CLXN: variants seen among roughly 807,000 people sequenced by gnomAD.
CLXN encodes calaxin.
At chr8:48,733,185 G>A in the CLXN span, among the ~76,000 whole-genome samples, 1 of 152,166 alleles carries the variant, frequency 6.6e-6, no homozygotes, top group East Asian at 1.9e-4. Context: ...AAGCCTGCAT[G>A]AAGAATGATG....
At chr8:48,735,060 G>A in the CLXN span, 1 of 1,613,390 alleles carries the variant, frequency 6.2e-7, no homozygotes, top group Non-Finnish European at 8.5e-7. Flanking sequence ...CGGTCCAGGA[G>A]CCTCGGCCTG....
At chr8:48,715,442 T>C in the CLXN span, 1 of 152,110 alleles carries the variant, frequency 6.6e-6, no homozygotes, top group African/African-American at 2.4e-5. Flanking sequence ...TATATAAAAG[T>C]GTTGGAAGCG....
chr8:48,728,834 C>T, the CLXN span, among the ~76,000 whole-genome samples: 3 of 152,148 alleles, frequency 2.0e-5, no homozygotes, highest in Non-Finnish European at 2.9e-5. Context: ...TTGTTTCTGA[C>T]ATGAATGAGT....
the CLXN span, among the ~76,000 whole-genome samples, chr8:48,726,335 TCCATCCAC>T: frequency 1.4e-5 from 2 of 139,868 alleles, no homozygotes; most frequent in African/African-American, 5.4e-5. Flanking sequence ...ATTCACCTCA[TCCATCCAC>T]CCATCCACCC....
the CLXN span, among the ~76,000 whole-genome samples, chr8:48,727,466 G>C: frequency 6.6e-6 from 1 of 152,180 alleles, no homozygotes; most frequent in Non-Finnish European, 1.5e-5. Context: ...ACAGGGCTCT[G>C]TGAGGAAGTG....
At chr8:48,713,360 A>C in the CLXN span, among the ~76,000 whole-genome samples, 3 of 152,114 alleles carry the variant, frequency 2.0e-5, no homozygotes, top group African/African-American at 7.2e-5. Flanking sequence ...ACTTGATGAG[A>C]ACTAAACACT....
chr8:48,735,091 T>G, the CLXN span: 1 of 1,614,160 alleles, frequency 6.2e-7, no homozygotes, highest in Non-Finnish European at 8.5e-7. Flanking sequence ...CATTCTTACT[T>G]ACAATGCTTG....
the CLXN span, among the ~76,000 whole-genome samples, chr8:48,718,102 T>A: frequency 6.6e-6 from 1 of 152,094 alleles, no homozygotes; most frequent in African/African-American, 2.4e-5. Flanking sequence ...TGCTTTAAAT[T>A]TAAAGGCACA....
chr8:48,732,247 T>C, the CLXN span, among the ~76,000 whole-genome samples: 1 of 152,182 alleles, frequency 6.6e-6, no homozygotes, highest in Admixed American at 6.5e-5. Context: ...CTGGTCTTGA[T>C]AATATAAAAG....
the CLXN span, chr8:48,713,953 C>T: frequency 2.0e-5 from 3 of 152,186 alleles, no homozygotes; most frequent in African/African-American, 4.8e-5. Context: ...CTAAACAGGC[C>T]TAGCCTGGCT....
the CLXN span, chr8:48,711,328 T>C: frequency 6.6e-6 from 1 of 152,144 alleles, no homozygotes; most frequent in Admixed American, 6.5e-5. Flanking sequence ...TCCACCATTC[T>C]CCTCACAAGC....
the CLXN span, among the ~76,000 whole-genome samples, chr8:48,722,737 G>A: frequency 4.8e-4 from 70 of 145,744 alleles, no homozygotes; most frequent in Non-Finnish European, 9.3e-4. Context: ...CACTGCCTAA[G>A]TGCATCATAG....
chr8:48,729,718 A>G, the CLXN span: 3 of 1,600,910 alleles, frequency 1.9e-6, no homozygotes, highest in South Asian at 3.4e-5. Context: ...ACCCATATTT[A>G]CCATTTTCTT....
the CLXN span, among the ~76,000 whole-genome samples, chr8:48,727,278 C>T: frequency 6.6e-6 from 1 of 151,392 alleles, no homozygotes; most frequent in African/African-American, 2.4e-5. Context: ...TAGACACACA[C>T]CATGTGCTAC....
chr8:48,731,197 C>G, the CLXN span: 2 of 754,164 alleles, frequency 2.7e-6, no homozygotes, highest in Non-Finnish European at 3.8e-6. Flanking sequence ...ACCTCCTTTT[C>G]TATGATCTTC....
the CLXN span, chr8:48,730,691 CT>C: frequency 9.1e-7 from 1 of 1,099,786 alleles, no homozygotes; most frequent in Non-Finnish European, 1.3e-6. Flanking sequence ...CATAATAACT[CT>C]CAGTAAAGTA....
At chr8:48,724,810 A>C in the CLXN span, 3 of 1,609,546 alleles carry the variant, frequency 1.9e-6, no homozygotes, top group Non-Finnish European at 8.5e-7. Flanking sequence ...CTCTGTAAAA[A>C]AAGGTACTCA....
At chr8:48,728,983 A>G in the CLXN span, 1 of 1,228,132 alleles carries the variant, frequency 8.1e-7, no homozygotes, top group Non-Finnish European at 1.1e-6. Flanking sequence ...TAAATCAAGA[A>G]GTCCTGGGTT....
chr8:48,719,320 A>C, the CLXN span, among the ~76,000 whole-genome samples: 1 of 152,120 alleles, frequency 6.6e-6, no homozygotes, highest in East Asian at 1.9e-4. Context: ...GTGGCTTTCT[A>C]GGTGAATTCT....
Sources: allele counts gnomAD v4.1 joint callset (sites outside exome capture counted in the v4.1 genomes callset), GRCh38; gene constraint gnomAD v4.1.1; transcripts MANE v1.5; gene names NCBI Gene and HGNC (gene_info 2026-07-23, HGNC 2026-07-21).